Variants in ADAM2 observed in about 807,000 individuals in gnomAD.
ADAM2 encodes the protein disintegrin and metalloproteinase domain-containing protein 2.
ADAM2 carries 101 observed loss-of-function variants against 99.3 expected under a neutral mutation model. That is an observed-to-expected ratio of 1.02 (90% CI 0.87 to 1.20). The LOEUF (loss-of-function observed/expected upper bound fraction) is 1.20, where lower values mean the gene tolerates loss of function less well. Ranked by LOEUF, ADAM2 falls within the 50% of genes most tolerant of loss-of-function variation. The pLI, the probability that ADAM2 is intolerant of heterozygous loss-of-function variation, is 0.00. For missense variants in ADAM2, 948 were observed against 878.7 expected (o/e 1.08, Z -1.00); for synonymous variants, 323 against 287.6 (o/e 1.12, Z -1.25).
intron 3 of ADAM2, among the ~76,000 whole-genome samples, chr8:39,831,806 G>A (rs547483648): frequency 2.8e-4 from 42 of 152,200 alleles, no homozygotes; most frequent in Non-Finnish European, 5.9e-4. Context: ...TGATAGATAA[G>A]TGAGTCAAAA....
chr8:39,746,626 G>A lies in ADAM2; in HGVS notation c.2020C>T (p.Arg674Cys), dbSNP rs200391854. The A allele has an allele frequency of 7.8e-5, 123 of 1,575,304 alleles. No individual in the cohort carries two copies. Among genetic ancestry groups the A allele is most frequent in the East Asian group, 1.4e-4 (6 of 43,238 alleles). Residue 674 changes from arginine to cysteine, a missense_variant, in exon 19 of 21, where the codon CGC becomes TGC. Coordinates refer to ENST00000265708, the MANE Select transcript of ADAM2 (RefSeq NM_001464.5). ...VAIPARLPER[R>C]YIENIYHSKP... The stretch of plus-strand genomic sequence containing the variant: ...GAATGGTAAATGTTCTCAATGTAGC[G>A]CCTTTCTAGAAGAAAAAAAAATCAA...
chr8:39,759,389 G>A (rs1268436017), intron 15 of ADAM2, among the ~76,000 whole-genome samples: 3 of 151,886 alleles, frequency 2.0e-5, no homozygotes, highest in Admixed American at 1.3e-4. Flanking sequence ...AAACAAAAAT[G>A]TTCCAAATTA....
At chr8:39,774,316 G>A (rs1802903711) in intron 11 of ADAM2, among the ~76,000 whole-genome samples, 1 of 151,900 alleles carries the variant, frequency 6.6e-6, no homozygotes, top group South Asian at 2.1e-4. Flanking sequence ...CCTAAGCACT[G>A]CGATAAGGCA....
chr8:39,772,754 T>C (rs551035599), intron 11 of ADAM2, among the ~76,000 whole-genome samples: 46 of 152,114 alleles, frequency 3.0e-4, no homozygotes, highest in African/African-American at 1.1e-3. Flanking sequence ...AATGTTCTAG[T>C]AACAATACAA....
At chr8:39,768,730 T>C (rs935145975) in intron 12 of ADAM2, among the ~76,000 whole-genome samples, 4 of 152,186 alleles carry the variant, frequency 2.6e-5, no homozygotes, top group African/African-American at 7.2e-5. Flanking sequence ...GAGGAAAAGA[T>C]TGAACCTACA....
At chr8:39,809,489 C>T in intron 6 of ADAM2, 23 bp from the exon 7 acceptor site, 1 of 1,197,538 alleles carries the variant, frequency 8.4e-7, no homozygotes, top group Non-Finnish European at 1.2e-6. Flanking sequence ...ACAAATTTTA[C>T]ATCAAAATTA....
At chr8:39,761,957 G>C (rs1586061005) in intron 14 of ADAM2, among the ~76,000 whole-genome samples, 1 of 152,114 alleles carries the variant, frequency 6.6e-6, no homozygotes, top group South Asian at 2.1e-4. Context: ...GGTGGCAGGC[G>C]CCCGTAGTCC....
intron 7 of ADAM2, among the ~76,000 whole-genome samples, chr8:39,804,515 T>C (rs1312716972): frequency 6.6e-6 from 1 of 152,038 alleles, no homozygotes; most frequent in African/African-American, 2.4e-5. Context: ...GAGGCTTAAA[T>C]ATAAGAGTAG....
chr8:39,804,880 G>A (rs1804373211), intron 7 of ADAM2, among the ~76,000 whole-genome samples: 1 of 152,096 alleles, frequency 6.6e-6, no homozygotes, highest in Non-Finnish European at 1.5e-5. Flanking sequence ...CAGTATCTTA[G>A]AGTATACTTC....
Position 39,821,027 on chromosome 8 carries a change from A to G in ADAM2, c.488T>C (p.Leu163Pro). The G allele has an allele frequency of 6.2e-6, 10 of 1,600,692 alleles. No individual in the cohort carries two copies. Among genetic ancestry groups the G allele is most frequent in the Non-Finnish European group, 8.5e-6 (10 of 1,171,972 alleles). Reference sequence around the variant, plus strand: ...CTCTACGCTTTGTAATTTAAAGGACAGATCTCTTGATTCAATATCCTTCTC... The same window carrying G: ...CTCTACGCTTTGTAATTTAAAGGACGGATCTCTTGATTCAATATCCTTCTC... ...YNEKDIESRDLSFKLQSVEPQ... is the reference protein window; with the variant it reads ...YNEKDIESRDPSFKLQSVEPQ... Residue 163 changes from leucine (L) to proline (P), a missense_variant, in exon 6 of 21, where the codon CTG (leucine) becomes CCG (proline). Transcript: ENST00000265708.
chr8:39,758,887 TAAC>T (rs1479822582), intron 15 of ADAM2, among the ~76,000 whole-genome samples: 2 of 151,840 alleles, frequency 1.3e-5, no homozygotes, highest in Non-Finnish European at 1.5e-5. Flanking sequence ...TTAAATAAAA[TAAC>T]AATTATTGTG....
intron 7 of ADAM2, among the ~76,000 whole-genome samples, chr8:39,791,086 G>A (rs897919997): frequency 3.3e-5 from 5 of 151,032 alleles, no homozygotes; most frequent in Admixed American, 1.3e-4. Flanking sequence ...GTAAGGCCTC[G>A]AATGGGGTGA....
In ADAM2 at chr8:39,788,253, T is replaced by C. The variant is rs757867156; in HGVS notation, c.643-2A>G. 10 of 1,494,146 alleles carry C rather than the reference T, an allele frequency of 6.7e-6. No homozygotes were observed. The highest frequency in any genetic ancestry group is 9.0e-6 in the Non-Finnish European group (10 of 1,113,080). The allele number at this position is 1,494,146 out of a possible 1,614,324, so 92.6% of individuals were successfully genotyped here. On this transcript the variant is annotated splice_acceptor_variant, in intron 8 of 20. Transcript: ENST00000265708. LOFTEE classifies it high-confidence loss of function. ...TGTAATATTAAATGAAACAAAAATC[T>C]AAAATAGAAAACATACAAAAGTGTG...
At chr8:39,784,117 A>G (rs1803353440) in intron 10 of ADAM2, among the ~76,000 whole-genome samples, 1 of 152,176 alleles carries the variant, frequency 6.6e-6, no homozygotes, top group Non-Finnish European at 1.5e-5. Flanking sequence ...GATTAGGTAG[A>G]AAGGGTGGTG....
intron 6 of ADAM2, among the ~76,000 whole-genome samples, chr8:39,819,944 A>G (rs938766498): frequency 9.2e-5 from 14 of 152,124 alleles, no homozygotes; most frequent in African/African-American, 3.4e-4. Flanking sequence ...TTAAGCGGAC[A>G]TCTTCTGAAT....
At chr8:39,836,576 A>G (rs566241100) in intron 2 of ADAM2, among the ~76,000 whole-genome samples, 1 of 152,258 alleles carries the variant, frequency 6.6e-6, no homozygotes, top group Admixed American at 6.5e-5. Flanking sequence ...ACCACATTCC[A>G]CTTCAGAAAT....
intron 16 of ADAM2, among the ~76,000 whole-genome samples, chr8:39,752,235 A>G (rs1801977889): frequency 6.6e-6 from 1 of 152,302 alleles, no homozygotes; most frequent in African/African-American, 2.4e-5. Context: ...GCAGAATTAG[A>G]AGCAGGTTAT....
intron 6 of ADAM2, among the ~76,000 whole-genome samples, chr8:39,812,386 A>G (rs962037801): frequency 6.6e-6 from 1 of 152,230 alleles, no homozygotes; most frequent in Non-Finnish European, 1.5e-5. Flanking sequence ...ATCCCCATCA[A>G]GCTACTAATG....
Position 39,779,577 on chromosome 8 carries a change from T to C in ADAM2, c.892-2416A>G, listed in dbSNP as rs541860584. ...TATTATCTCTGATTTGAAAGGCAAG[T>C]GACAATAAAGCACAACTATATTTAA... On this transcript the variant is annotated intron_variant, in intron 10 of 20. Transcript: ENST00000265708. Among the ~76,000 whole-genome samples, 128 of 152,266 alleles carry C rather than the reference T, an allele frequency of 8.4e-4. 1 individual carries two copies. The highest frequency in any genetic ancestry group is 1.3e-3 in the Non-Finnish European group (90 of 68,014).
Sources: gnomAD v4.1 joint callset for allele counts (sites outside exome capture counted in the v4.1 genomes callset) on GRCh38, gnomAD v4.1.1 for gene constraint, MANE v1.5 for transcripts, NCBI Gene and HGNC (gene_info 2026-07-23, HGNC 2026-07-21) for gene names.